The following IMMP2L variants were observed in gnomAD, a reference collection of about 807,000 sequenced individuals.
IMMP2L encodes mitochondrial inner membrane protease subunit 2.
A neutral mutation model predicts 19.3 loss-of-function variants in IMMP2L; 18 were observed. The observed-to-expected ratio is 0.93, with a 90% confidence interval of 0.64 to 1.38. The LOEUF (loss-of-function observed/expected upper bound fraction) is 1.38. IMMP2L is among the 40% of genes most tolerant of loss of function. The probability of loss-of-function intolerance (pLI) is 0.00; values close to 1 mark genes in which losing one functional copy is unlikely to be tolerated. For synonymous variants in IMMP2L, 76 were observed against 73.0 expected (o/e 1.04, Z -0.21); for missense variants, 233 against 218.2 (o/e 1.07, Z -0.43).
In IMMP2L at chr7:111,335,576, T is replaced by A. The variant is rs539965558; in HGVS notation, c.239+151662A>T. Among the ~76,000 whole-genome samples the A allele has an allele frequency of 7.2e-5, 11 of 152,250 alleles. 1 individual carries two copies. The South Asian group carries it at 1.9e-3, about 26-fold the overall frequency. On this transcript the variant is annotated intron_variant, in intron 3 of 5. Transcript: ENST00000405709. ...ATAACTTAAGAAATACGAGAAAGTTTATTGAAATGCTGTTTATAGCAGCAG... is the reference window on the plus strand; with the variant it reads ...ATAACTTAAGAAATACGAGAAAGTTAATTGAAATGCTGTTTATAGCAGCAG...
At chr7:111,249,548 CTTGTTGCT>C (rs1732628618) in intron 3 of IMMP2L, among the ~76,000 whole-genome samples, 1 of 152,152 alleles carries the variant, frequency 6.6e-6, no homozygotes, top group Non-Finnish European at 1.5e-5. Context: ...TCCTCCCCCT[CTTGTTGCT>C]TTAACTAAAT....
At chr7:111,281,854 G>C (rs1819921020) in intron 3 of IMMP2L, among the ~76,000 whole-genome samples, 1 of 152,168 alleles carries the variant, frequency 6.6e-6, no homozygotes, top group African/African-American at 2.4e-5. Flanking sequence ...CAGGGTACTG[G>C]AAAGAGACCA....
At chr7:111,386,887 A>ATTTTCTTT (rs1831812167) in intron 3 of IMMP2L, among the ~76,000 whole-genome samples, 1 of 152,148 alleles carries the variant, frequency 6.6e-6, no homozygotes, top group Non-Finnish European at 1.5e-5. Context: ...TAGGCATAAA[A>ATTTTCTTT]TAACCCCACA....
chr7:110,783,288 A>G (rs1490117486), intron 5 of IMMP2L, among the ~76,000 whole-genome samples: 3 of 151,838 alleles, frequency 2.0e-5, no homozygotes, highest in Non-Finnish European at 4.4e-5. Flanking sequence ...GAATTTTATA[A>G]TAGCTTTATC....
chr7:110,938,287 A>G (rs767103394), intron 4 of IMMP2L, among the ~76,000 whole-genome samples: 1 of 152,098 alleles, frequency 6.6e-6, no homozygotes, highest in Admixed American at 6.6e-5. Flanking sequence ...GTATCAAACA[A>G]TGTCCGCAAA....
chr7:111,452,955 T>G lies in IMMP2L; in HGVS notation c.239+34283A>C, dbSNP rs78392313. On this transcript the variant is annotated intron_variant, in intron 3 of 5. Transcript: ENST00000405709. ...CTACATCATTTTGTTCACTGGCCAA[T>G]CTCAAATACCTAGAACAGTGTCTGA... 9.9e-3 allele frequency among the ~76,000 whole-genome samples: 1,507 copies of G among 152,272 alleles called. 39 individuals carry two copies. The highest frequency in any genetic ancestry group is 0.035 in the African/African-American group (1,441 of 41,544).
At position 111,304,537 on chromosome 7, in the gene IMMP2L, G is replaced by A. The variant is rs775272334; in HGVS notation, c.239+182701C>T. Among the ~76,000 whole-genome samples, 191 of 151,828 alleles carry A rather than the reference G, an allele frequency of 1.3e-3. 1 individual carries two copies. Among genetic ancestry groups the A allele is most frequent in the Admixed American group, 2.3e-3 (35 of 15,230 alleles). ...ATGTGTATATATACATATATATAAC[G>A]TGTGTATATATATGTGTGTGTGTAC... On this transcript the variant is annotated intron_variant, in intron 3 of 5. Coordinates refer to ENST00000405709, the MANE Select transcript of IMMP2L (RefSeq NM_032549.4).
chr7:111,264,021 A>G (rs1034266654), intron 3 of IMMP2L, among the ~76,000 whole-genome samples: 1 of 152,228 alleles, frequency 6.6e-6, no homozygotes, highest in African/African-American at 2.4e-5. Flanking sequence ...GGCTAGGATA[A>G]ATGGGTAGGT....
intron 5 of IMMP2L, among the ~76,000 whole-genome samples, chr7:110,734,846 T>C (rs1307615569): frequency 6.6e-6 from 1 of 152,146 alleles, no homozygotes; most frequent in Non-Finnish European, 1.5e-5. Flanking sequence ...AGAAAGGCTA[T>C]AGAGAAGACT....
At chr7:111,306,696 G>A (rs1371889069) in intron 3 of IMMP2L, among the ~76,000 whole-genome samples, 1 of 150,450 alleles carries the variant, frequency 6.6e-6, no homozygotes, top group African/African-American at 2.4e-5. Flanking sequence ...CTGGGAAGCT[G>A]TAATGATGAG....
chr7:111,064,833 T>C (rs930122511), intron 3 of IMMP2L, among the ~76,000 whole-genome samples: 3 of 152,164 alleles, frequency 2.0e-5, no homozygotes, highest in African/African-American at 7.2e-5. Context: ...TACTCCGCAA[T>C]GGAGACGAGG....
At chr7:110,955,132 G>A (rs1021005104) in intron 4 of IMMP2L, among the ~76,000 whole-genome samples, 2 of 151,896 alleles carry the variant, frequency 1.3e-5, no homozygotes, top group African/African-American at 4.8e-5. Context: ...AACTTAAGGT[G>A]ACTATCTCTC....
At chr7:110,693,819 T>C (rs933212205) in intron 5 of IMMP2L, among the ~76,000 whole-genome samples, 3 of 152,218 alleles carry the variant, frequency 2.0e-5, no homozygotes, top group African/African-American at 7.2e-5. Flanking sequence ...ACTCTTGCAC[T>C]GAAATCAGTT....
chr7:110,932,285 T>C (rs1260447840), intron 4 of IMMP2L, among the ~76,000 whole-genome samples: 1 of 152,202 alleles, frequency 6.6e-6, no homozygotes, highest in Non-Finnish European at 1.5e-5. Context: ...AAGTCTTAGA[T>C]GTTTAAGCCC....
chr7:111,296,585 G>A (rs986256470), intron 3 of IMMP2L, among the ~76,000 whole-genome samples: 1 of 151,678 alleles, frequency 6.6e-6, no homozygotes, highest in South Asian at 2.1e-4. Flanking sequence ...ATATAAAATG[G>A]TACAGCCACC....
intron 4 of IMMP2L, among the ~76,000 whole-genome samples, chr7:110,911,386 C>T (rs2129548390): frequency 6.6e-6 from 1 of 152,202 alleles, no homozygotes; most frequent in African/African-American, 2.4e-5. Flanking sequence ...CCAAGGGTTT[C>T]TAAATACTCA....
At chr7:110,930,885 T>A (rs1207638171) in intron 4 of IMMP2L, among the ~76,000 whole-genome samples, 3 of 152,208 alleles carry the variant, frequency 2.0e-5, no homozygotes, top group Non-Finnish European at 4.4e-5. Flanking sequence ...TTATACACAT[T>A]TAAAATTTAT....
chr7:111,191,154 T>C (rs182516478), intron 3 of IMMP2L, among the ~76,000 whole-genome samples: 1 of 152,242 alleles, frequency 6.6e-6, no homozygotes, highest in East Asian at 1.9e-4. Flanking sequence ...AATGTAGTTA[T>C]ATGACCTTTA....
intron 3 of IMMP2L, among the ~76,000 whole-genome samples, chr7:111,142,581 C>T (rs569188701): frequency 5.4e-4 from 82 of 152,082 alleles, no homozygotes; most frequent in Admixed American, 4.3e-3. Flanking sequence ...TAACACCTAT[C>T]GTGAATTTAC....
Sources: gnomAD v4.1 joint callset for allele counts (sites outside exome capture counted in the v4.1 genomes callset) on GRCh38, gnomAD v4.1.1 for gene constraint, MANE v1.5 for transcripts, NCBI Gene and HGNC (gene_info 2026-07-23, HGNC 2026-07-21) for gene names.